Variants in MGLL observed in about 807,000 individuals in gnomAD.
MGLL encodes lysophospholipase homolog.
MGLL carries 7 observed loss-of-function variants against 29.1 expected under a neutral mutation model. The observed-to-expected ratio is 0.24, with a 90% CI of 0.14 to 0.45. The LOEUF is 0.45. Among genes scored for constraint, MGLL ranks in the 20% least tolerant of loss-of-function variants. The pLI is 0.99. For synonymous variants in MGLL, 148 were observed against 168.3 expected (o/e 0.88, Z 0.93); for missense variants, 356 against 413.6 (o/e 0.86, Z 1.21).
intron 3 of MGLL, among the ~76,000 whole-genome samples, chr3:127,769,817 C>G (rs568963832): frequency 7.9e-5 from 12 of 152,308 alleles, no homozygotes; most frequent in African/African-American, 2.6e-4. Context: ...GCCTCCACCC[C>G]ACAACACCCC....
intron 6 of MGLL, among the ~76,000 whole-genome samples, chr3:127,709,960 C>A (rs2075678140): frequency 6.6e-6 from 1 of 152,196 alleles, no homozygotes; most frequent in African/African-American, 2.4e-5. Flanking sequence ...CCCAGGGATC[C>A]CCTTCCTCTA....
At chr3:127,819,069 C>A (rs2077811827) in intron 2 of MGLL, among the ~76,000 whole-genome samples, 1 of 152,216 alleles carries the variant, frequency 6.6e-6, no homozygotes, top group Admixed American at 6.5e-5. Context: ...ATGGTAAAGG[C>A]TAACCCAAGA....
chr3:127,775,100 G>T (rs540785484), intron 3 of MGLL, among the ~76,000 whole-genome samples: 2 of 152,210 alleles, frequency 1.3e-5, no homozygotes, highest in South Asian at 4.2e-4. Context: ...GAAGGAAGAG[G>T]AGGAGGCAAG....
rs1161773866 is a variant in MGLL, at chr3:127,690,399, C to T, written c.*1799G>A. The T allele has an allele frequency of 6.6e-6, 1 of 152,286 alleles. No homozygotes were observed. Among genetic ancestry groups the T allele is most frequent in the Non-Finnish European group, 1.5e-5 (1 of 68,104 alleles). 9.4% of individuals were successfully genotyped at this position (152,286 alleles called of 1,614,324 possible). ...GTGGGGTGAGGGCTTGGCTCCTCCC[C>T]CAGGGCACAGAGTGATCTTCAGCAG... On this transcript the variant is annotated 3_prime_UTR_variant, in exon 8 of 8. Transcript: ENST00000265052.
At chr3:127,822,250 G>A (rs373685091) in intron 1 of MGLL, 59 bp downstream of exon 1, 32 of 1,555,692 alleles carry the variant, frequency 2.1e-5, no homozygotes, top group Admixed American at 8.3e-5. Context: ...GCACAATAAT[G>A]AGGTGGATGA....
rs140345231 is a variant in MGLL, at chr3:127,737,697, T to G, written c.263-15131A>C. On this transcript the variant is annotated intron_variant, in intron 3 of 7. Coordinates refer to ENST00000265052, the MANE Select transcript of MGLL (RefSeq NM_007283.7). ...TTTGCTCTTCTTGCCCAGGCTGGAG[T>G]GCAATGGCGCAATCTTGGCTCACTG... Among the ~76,000 whole-genome samples the G allele has an allele frequency of 7.0e-5, 9 of 128,526 alleles. No homozygotes were observed. The East Asian group carries it at 2.0e-3, about 28-fold the overall frequency. The allele number at this position is 128,526 out of a possible 152,430, so 84.3% of individuals were successfully genotyped here. A position where few individuals can be genotyped will look rare whatever the true frequency, so the allele number is the denominator to read the frequency against.
At chr3:127,817,496 T>C (rs1230099154) in intron 2 of MGLL, among the ~76,000 whole-genome samples, 2 of 152,220 alleles carry the variant, frequency 1.3e-5, no homozygotes, top group Non-Finnish European at 2.9e-5. Flanking sequence ...GAGTGAGATG[T>C]GTCCACTCGG....
chr3:127,802,771 C>T (rs745940977), intron 2 of MGLL, among the ~76,000 whole-genome samples: 2 of 152,170 alleles, frequency 1.3e-5, no homozygotes, highest in East Asian at 1.9e-4. Flanking sequence ...TCCTCTGAGG[C>T]GACATTTAGA....
At chr3:127,781,230 GTA>G (rs2077119682) in intron 3 of MGLL, among the ~76,000 whole-genome samples, 2 of 152,172 alleles carry the variant, frequency 1.3e-5, no homozygotes, top group South Asian at 4.1e-4. Context: ...GTACAGGTGT[GTA>G]TGTGTGTGCA....
intron 2 of MGLL, among the ~76,000 whole-genome samples, chr3:127,797,080 G>C (rs1485979364): frequency 6.6e-6 from 1 of 152,096 alleles, no homozygotes; most frequent in African/African-American, 2.4e-5. Context: ...GGACAGGGTG[G>C]CAGAGGAGAA....
chr3:127,739,374 G>C (rs116665663), intron 3 of MGLL, among the ~76,000 whole-genome samples: 2,061 of 152,250 alleles, frequency 0.014, 33 homozygotes, highest in Non-Finnish European at 0.017. Context: ...AGAGTAAGTG[G>C]GCAGTAAATA....
At chr3:127,815,370 C>T (rs2107756880) in intron 2 of MGLL, among the ~76,000 whole-genome samples, 1 of 152,332 alleles carries the variant, frequency 6.6e-6, no homozygotes, top group Non-Finnish European at 1.5e-5. Context: ...CTCAATAACA[C>T]CAGCTCCTTC....
At chr3:127,741,970 G>A (rs971474301) in intron 3 of MGLL, among the ~76,000 whole-genome samples, 1 of 152,192 alleles carries the variant, frequency 6.6e-6, no homozygotes, top group African/African-American at 2.4e-5. Context: ...TTATTGTGGA[G>A]CATTGAGAGT....
intron 3 of MGLL, 107 bp from the exon 4 acceptor site, chr3:127,722,673 G>C (rs2075953139): frequency 2.1e-6 from 3 of 1,462,238 alleles, no homozygotes; most frequent in Non-Finnish European, 2.9e-6. Context: ...GCGCCTGAAT[G>C]TGTCACCTCA....
intron 2 of MGLL, among the ~76,000 whole-genome samples, chr3:127,803,506 G>T (rs1245296673): frequency 6.6e-6 from 1 of 152,184 alleles, no homozygotes; most frequent in African/African-American, 2.4e-5. Context: ...TACTGTACAG[G>T]CATGTTCCAT....
chr3:127,715,427 T>C, intron 5 of MGLL: 1 of 333,302 alleles, frequency 3.0e-6, no homozygotes, highest in South Asian at 2.4e-5. Flanking sequence ...GATAACTTCA[T>C]GGCTTAAAAC....
At chr3:127,813,996 C>T (rs2077709116) in intron 2 of MGLL, among the ~76,000 whole-genome samples, 1 of 151,684 alleles carries the variant, frequency 6.6e-6, no homozygotes, top group Non-Finnish European at 1.5e-5. Context: ...CCTTTCTTCT[C>T]TCCCTCCTTC....
intron 3 of MGLL, among the ~76,000 whole-genome samples, chr3:127,723,861 G>A (rs2075983106): frequency 6.6e-6 from 1 of 152,072 alleles, no homozygotes; most frequent in Non-Finnish European, 1.5e-5. Context: ...TAACCCCCAG[G>A]ATCTCGGAAT....
At chr3:127,735,735 C>A (rs781689383) in intron 3 of MGLL, 8 of 1,597,852 alleles carry the variant, frequency 5.0e-6, no homozygotes, top group Non-Finnish European at 6.8e-6. Flanking sequence ...AGCACGTGCT[C>A]GCTCCCCGCC....
Sources: allele counts gnomAD v4.1 joint callset (sites outside exome capture counted in the v4.1 genomes callset), GRCh38; gene constraint gnomAD v4.1.1; transcripts MANE v1.5; gene names NCBI Gene and HGNC (gene_info 2026-07-23, HGNC 2026-07-21).